The following VKORC1L1 variants were observed in gnomAD, a reference collection of about 807,000 sequenced individuals.
VKORC1L1 encodes vitamin K epoxide reductase complex subunit 1L1, also known as vitamin K epoxide reductase complex subunit 1-like protein 1.
A neutral mutation model predicts 18.9 loss-of-function variants in VKORC1L1; 2 were observed. The observed-to-expected ratio is 0.11, with a 90% confidence interval of 0.04 to 0.33. The LOEUF (loss-of-function observed/expected upper bound fraction) is 0.33. Ranked by LOEUF, VKORC1L1 falls within the 10% of genes least tolerant of loss-of-function variation. VKORC1L1 has a pLI of 1.00. For missense variants in VKORC1L1, 123 were observed against 224.1 expected (o/e 0.55, Z 2.88); for synonymous variants, 96 against 100.0 (o/e 0.96, Z 0.24).
chr7:65,913,858 G>T (rs1789543619), intron 1 of VKORC1L1, among the ~76,000 whole-genome samples: 1 of 151,970 alleles, frequency 6.6e-6, no homozygotes, highest in Non-Finnish European at 1.5e-5. Flanking sequence ...TTTCTGAGTA[G>T]TTCTTTTGGT....
At chr7:65,874,315 C>T (rs1195320396) in intron 1 of VKORC1L1, among the ~76,000 whole-genome samples, 1 of 151,890 alleles carries the variant, frequency 6.6e-6, no homozygotes, top group African/African-American at 2.4e-5. Flanking sequence ...GAGTAAAGGA[C>T]AAGTATGTTA....
intron 1 of VKORC1L1, among the ~76,000 whole-genome samples, chr7:65,907,911 A>G (rs557918912): frequency 2.0e-5 from 3 of 151,982 alleles, no homozygotes; most frequent in African/African-American, 4.8e-5. Flanking sequence ...ATCAAAGACA[A>G]CAGTTTCAAT....
chr7:65,870,830 G>C (rs1197844408), upstream of VKORC1L1, among the ~76,000 whole-genome samples: 1 of 152,098 alleles, frequency 6.6e-6, no homozygotes, highest in African/African-American at 2.4e-5. Context: ...ATCCAGGCTG[G>C]AGTGCAGTGG....
rs1403493544 is a variant in VKORC1L1 at position 65,957,063 on chromosome 7, C to A, written c.*2763C>A. 2 of 152,316 alleles carry A rather than the reference C, an allele frequency of 1.3e-5. No homozygotes were observed. Among genetic ancestry groups the A allele is most frequent in the Admixed American group, 1.3e-4 (2 of 15,294 alleles). The allele number at this position is 152,316 out of a possible 1,614,324, so 9.4% of individuals were successfully genotyped here. A position where few individuals can be genotyped will look rare whatever the true frequency, so the allele number is the denominator to read the frequency against. On this transcript the variant is annotated 3_prime_UTR_variant, in exon 3 of 3. Transcript: ENST00000360768. ...AGTTGCTCTCACTAAAGGTAAATTT[C>A]CGGTGAAATAACTCAGGTTTAACTA...
intron 1 of VKORC1L1, among the ~76,000 whole-genome samples, chr7:65,893,069 C>T: frequency 6.6e-6 from 1 of 152,218 alleles, no homozygotes. Context: ...TAAGAGAATC[C>T]AGCTGTCTCC....
chr7:65,883,661 G>A (rs549726143), intron 1 of VKORC1L1, among the ~76,000 whole-genome samples: 101 of 151,176 alleles, frequency 6.7e-4, no homozygotes, highest in African/African-American at 2.2e-3. Context: ...CACCAAACCC[G>A]GCTAATTTTT....
chr7:65,909,688 C>G (rs997624476), intron 1 of VKORC1L1, among the ~76,000 whole-genome samples: 4 of 81,076 alleles, frequency 4.9e-5, no homozygotes, highest in African/African-American at 2.3e-4. Context: ...TTGTTTTAGC[C>G]TTTGTGTGTG....
chr7:65,945,327 C>G (rs1246728797), intron 1 of VKORC1L1, among the ~76,000 whole-genome samples: 4 of 150,540 alleles, frequency 2.7e-5, no homozygotes, highest in Non-Finnish European at 5.9e-5. Flanking sequence ...AGAGTGAAAA[C>G]AGGGCCGGGC....
At chr7:65,887,304 A>G (rs896010700) in intron 1 of VKORC1L1, among the ~76,000 whole-genome samples, 1 of 152,152 alleles carries the variant, frequency 6.6e-6, no homozygotes, top group African/African-American at 2.4e-5. Flanking sequence ...AGAGCTGTGA[A>G]CTCATACATT....
chr7:65,940,450 T>C (rs1441936750), intron 1 of VKORC1L1, among the ~76,000 whole-genome samples: 4 of 152,142 alleles, frequency 2.6e-5, no homozygotes, highest in Admixed American at 1.3e-4. Context: ...GGAAAGAAAC[T>C]ATTAGAGGAT....
At chr7:65,891,486 G>A (rs1789110632) in intron 1 of VKORC1L1, among the ~76,000 whole-genome samples, 1 of 152,038 alleles carries the variant, frequency 6.6e-6, no homozygotes, top group African/African-American at 2.4e-5. Context: ...TCTGTGAAGA[G>A]CTCATTGAAG....
At chr7:65,896,376 G>A (rs1789212491) in intron 1 of VKORC1L1, among the ~76,000 whole-genome samples, 2 of 152,056 alleles carry the variant, frequency 1.3e-5, no homozygotes, top group Admixed American at 1.3e-4. Context: ...CATGTTTGGT[G>A]GACATAAATA....
chr7:65,890,031 C>T (rs1300025541), intron 1 of VKORC1L1, among the ~76,000 whole-genome samples: 1 of 151,938 alleles, frequency 6.6e-6, no homozygotes, highest in Non-Finnish European at 1.5e-5. Context: ...GATCTCAGCT[C>T]ACTGCAACCT....
intron 1 of VKORC1L1, among the ~76,000 whole-genome samples, chr7:65,876,896 G>T (rs1314687784): frequency 2.0e-5 from 3 of 152,138 alleles, no homozygotes; most frequent in Non-Finnish European, 4.4e-5. Flanking sequence ...AAATACAAAC[G>T]TTAACCGGGC....
At chr7:65,945,484 C>T (rs1215498735) in intron 1 of VKORC1L1, among the ~76,000 whole-genome samples, 3 of 151,652 alleles carry the variant, frequency 2.0e-5, no homozygotes, top group South Asian at 2.1e-4. Context: ...TGGTGGTGGG[C>T]GCCTGTAGTC....
intron 1 of VKORC1L1, among the ~76,000 whole-genome samples, chr7:65,914,144 G>T (rs1254565519): frequency 6.6e-6 from 1 of 152,116 alleles, no homozygotes; most frequent in Non-Finnish European, 1.5e-5. Flanking sequence ...TTGAGGCAGG[G>T]TCTCACTCTG....
At chr7:65,907,776 A>G (rs1459427648) in intron 1 of VKORC1L1, among the ~76,000 whole-genome samples, 1 of 152,226 alleles carries the variant, frequency 6.6e-6, no homozygotes, top group Non-Finnish European at 1.5e-5. Context: ...CTTGAACTTC[A>G]GGGAGTCTGA....
At chr7:65,895,512 TATATACAC>T (rs1414203007) in intron 1 of VKORC1L1, among the ~76,000 whole-genome samples, 2 of 73,894 alleles carry the variant, frequency 2.7e-5, no homozygotes, top group South Asian at 6.0e-4. Context: ...TATATATATA[TATATACAC>T]ACACACACAC....
Position 65,954,620 on chromosome 7 carries a change from G to A in VKORC1L1, c.*320G>A. ...ATTGTAAAGTGAGCAACCATTGCTAGTAATTCTTTAATGTGTATAAATTCA... is the reference window on the plus strand; with the variant it reads ...ATTGTAAAGTGAGCAACCATTGCTAATAATTCTTTAATGTGTATAAATTCA... On this transcript the variant is annotated 3_prime_UTR_variant, in exon 3 of 3. Coordinates refer to ENST00000360768, the MANE Select transcript of VKORC1L1 (RefSeq NM_173517.6). 1 of 386,014 alleles carries A rather than the reference G, an allele frequency of 2.6e-6. No homozygotes were observed. Among genetic ancestry groups the A allele is most frequent in the Non-Finnish European group, 4.5e-6 (1 of 220,586 alleles). 23.9% of individuals were successfully genotyped at this position (386,014 alleles called of 1,614,324 possible).
Sources: gnomAD v4.1 joint callset for allele counts (sites outside exome capture counted in the v4.1 genomes callset) on GRCh38, gnomAD v4.1.1 for gene constraint, MANE v1.5 for transcripts, NCBI Gene and HGNC (gene_info 2026-07-23, HGNC 2026-07-21) for gene names.